DGKA: variants seen among roughly 807,000 people sequenced by gnomAD.
The protein encoded by DGKA is diacylglycerol kinase alpha, also known as 80 kDa diacylglycerol kinase.
Under a neutral mutation model 105.0 loss-of-function variants are expected in DGKA, and 35 were observed. The observed-to-expected ratio is 0.33, with a 90% CI of 0.25 to 0.44. DGKA has a LOEUF of 0.44. Ranked by LOEUF, DGKA falls within the 20% of genes least tolerant of loss-of-function variation. The pLI is 1.00. For synonymous variants in DGKA, 296 were observed against 332.0 expected (o/e 0.89, Z 1.18); for missense variants, 665 against 915.0 (o/e 0.73, Z 3.53).
Position 55,937,006 on chromosome 12 carries a change from C to T in DGKA, c.65-11C>T, listed in dbSNP as rs763733604. On this transcript the variant is annotated splice_polypyrimidine_tract_variant and intron_variant, in intron 2 of 23. Transcript: ENST00000331886. The stretch of plus-strand genomic sequence containing the variant: ...TAATAATGCTGTTCTCTTACTCTCT[C>T]TACACCCTAGACTCCACCAAAAAGG... 1 of 1,613,502 alleles carries T rather than the reference C, an allele frequency of 6.2e-7. No individual in the cohort carries two copies. The highest frequency in any genetic ancestry group is 8.5e-7 in the Non-Finnish European group (1 of 1,179,418).
At chr12:55,947,392 G>C (rs1444854992) in intron 17 of DGKA, among the ~76,000 whole-genome samples, 1 of 152,096 alleles carries the variant, frequency 6.6e-6, no homozygotes, top group East Asian at 1.9e-4. Flanking sequence ...GAAAGTGAAA[G>C]CTCCCTATAA....
rs949029725 is a variant in DGKA at position 55,932,125 on chromosome 12, T to C, written c.-82+781T>C. 3 of 195,808 alleles carry C rather than the reference T, an allele frequency of 1.5e-5. No individual in the cohort carries two copies. The highest frequency in any genetic ancestry group is 3.3e-5 in the Non-Finnish European group (3 of 92,252). The allele number at this position is 195,808 out of a possible 1,614,324, so 12.1% of individuals were successfully genotyped here. A position where few individuals can be genotyped will look rare whatever the true frequency, so the allele number is the denominator to read the frequency against. Reference sequence around the variant, plus strand: ...CGACCGCGAGCCCTCTCAAGCAAGGTAGAGACCCCGCGAGCCCCCCAGCGC... The same window carrying C: ...CGACCGCGAGCCCTCTCAAGCAAGGCAGAGACCCCGCGAGCCCCCCAGCGC... On this transcript the variant is annotated intron_variant, in intron 1 of 23. Coordinates refer to ENST00000331886, the MANE Select transcript of DGKA (RefSeq NM_001345.5). This position sits in a 1 kb window ranked among gnomAD's most constrained non-coding sequence, Gnocchi z 4.3.
chr12:55,952,578 T>C lies in DGKA; in HGVS notation c.1743+147T>C. 1 of 1,179,048 alleles carries C rather than the reference T, an allele frequency of 8.5e-7. No individual in the cohort carries two copies. Among genetic ancestry groups the C allele is most frequent in the Non-Finnish European group, 1.2e-6 (1 of 804,724 alleles). The allele number at this position is 1,179,048 out of a possible 1,614,324, so 73.0% of individuals were successfully genotyped here. ...TCTCCTACCCCAATTCTCCAAGTCC[T>C]CAAGATACACTAGTCCCTATTTCCA... On this transcript the variant is annotated intron_variant, in intron 20 of 23. Transcript: ENST00000331886. This position sits in a 1 kb window ranked among gnomAD's most constrained non-coding sequence, Gnocchi z 5.1.
chr12:55,941,211 A>G, intron 13 of DGKA, 41 bp from the exon 14 acceptor site: 1 of 1,588,608 alleles, frequency 6.3e-7, no homozygotes, highest in Non-Finnish European at 8.6e-7. Flanking sequence ...ACTCTGACAA[A>G]ATCCTGCTTT....
At position 55,941,293 on chromosome 12, in the gene DGKA, C is replaced by A; in HGVS notation, c.1143C>A (p.Val381=). 6.2e-7 allele frequency: 1 copy of A among 1,613,752 alleles called. No individual in the cohort carries two copies. Among genetic ancestry groups the A allele is most frequent in the Non-Finnish European group, 8.5e-7 (1 of 1,179,710 alleles). ...ACACCCACCCACTTCTCGTCTTTGT[C>A]AATCCTAAGAGTGGCGGGAAGCAGG... The part of the protein sequence containing the change: ...VPNTHPLLVF[V]NPKSGGKQGQ... Residue 381 remains valine, a synonymous_variant, in exon 14 of 24, where the codon GTC becomes GTA. Transcript: ENST00000331886.
chr12:55,928,044 T>C (rs1185835656), upstream of DGKA: 1 of 493,682 alleles, frequency 2.0e-6, no homozygotes, highest in African/African-American at 2.0e-5. Context: ...ACTCCATTTG[T>C]AGTCCTGCCC....
chr12:55,936,641 C>T, intron 2 of DGKA, 74 bp downstream of exon 2: 1 of 1,597,916 alleles, frequency 6.3e-7, no homozygotes, highest in Non-Finnish European at 8.6e-7. Flanking sequence ...CATTACACCC[C>T]CTGCCCCCCA....
chr12:55,946,413 G>T (rs528222976), intron 17 of DGKA, among the ~76,000 whole-genome samples: 1 of 152,116 alleles, frequency 6.6e-6, no homozygotes, highest in African/African-American at 2.4e-5. Context: ...CTGGAGTGCA[G>T]TGGCGCGATC....
upstream of DGKA, among the ~76,000 whole-genome samples, chr12:55,928,747 C>T (rs954608441): frequency 7.8e-6 from 1 of 127,500 alleles, no homozygotes; most frequent in African/African-American, 3.0e-5. Context: ...CTTTATAAGA[C>T]AAATTAGGCC....
chr12:55,952,391 T>C lies in DGKA; in HGVS notation c.1703T>C (p.Phe568Ser), dbSNP rs1592752084. Residue 568 changes from phenylalanine to serine, a missense_variant, in exon 20 of 24, where the codon TTC becomes TCC. Coordinates refer to ENST00000331886, the MANE Select transcript of DGKA (RefSeq NM_001345.5). The surrounding 1 kb of genome is among the most constrained non-coding windows in gnomAD (Gnocchi z 5.1). ...YFEFATSESI[F>S]STCKKLEESL... ...GAATTTGCCACATCTGAATCCATCT[T>C]CTCAACATGCAAAAAGCTGGAGGAG... 1.9e-6 allele frequency: 3 copies of C among 1,614,146 alleles called. No homozygotes were observed. The highest frequency in any genetic ancestry group is 1.6e-4 in the Middle Eastern group (1 of 6,062).
intron 1 of DGKA, 79 bp from the exon 2 acceptor site, chr12:55,936,344 A>C: frequency 7.1e-7 from 1 of 1,405,360 alleles, no homozygotes; most frequent in Non-Finnish European, 9.3e-7. Flanking sequence ...GTGGGAGTAG[A>C]GACAGAATGG....
intron 17 of DGKA, among the ~76,000 whole-genome samples, chr12:55,945,068 G>A (rs1307812587): frequency 6.6e-6 from 1 of 152,130 alleles, no homozygotes; most frequent in East Asian, 1.9e-4. Flanking sequence ...CCAAAGTGCT[G>A]GGATTATATG....
At chr12:55,936,373 C>T in intron 1 of DGKA, 50 bp from the exon 2 acceptor site, 1 of 1,454,464 alleles carries the variant, frequency 6.9e-7, no homozygotes, top group African/African-American at 1.4e-5. Flanking sequence ...GAAGAAAAGA[C>T]ACCCAGACAG....
chr12:55,928,852 G>A (rs1055349282), upstream of DGKA, among the ~76,000 whole-genome samples: 7 of 151,456 alleles, frequency 4.6e-5, no homozygotes. Context: ...TGGGGGTGGG[G>A]CTCATTTAAA....
In DGKA at chr12:55,940,337, A is replaced by C; in HGVS notation, c.822A>C (p.Arg274=). 3 of 1,614,220 alleles carry C rather than the reference A, an allele frequency of 1.9e-6. No individual in the cohort carries two copies. Among genetic ancestry groups the C allele is most frequent in the Non-Finnish European group, 2.5e-6 (3 of 1,180,038 alleles). The change falls in exon 11 of 24, where the codon CGA becomes CGC. Residue 274 remains arginine (R), a synonymous_variant. Coordinates refer to ENST00000331886, the MANE Select transcript of DGKA (RefSeq NM_001345.5). This position sits in a 1 kb window ranked among gnomAD's most constrained non-coding sequence, Gnocchi z 4.3. The part of the protein sequence containing the change: ...DIGVQSHVWV[R]GGCESGRCDR... ...AGGTCCAATCACATGTGTGGGTGCG[A>C]GGAGGCTGTGAGTCCGGGCGCTGCG... is the stretch of plus-strand genomic sequence containing the variant.
chr12:55,940,804 G>A lies in DGKA; in HGVS notation c.1017+82G>A, dbSNP rs755597516. 6.9e-6 allele frequency: 11 copies of A among 1,597,602 alleles called. No individual in the cohort carries two copies. In the East Asian group the frequency reaches 2.0e-4, roughly 29 times the overall value. ...CGCACAGAGTGGCATTTAGAATAGA[G>A]AGCTCATACTTTTAGGATTCAAGTC... On this transcript the variant is annotated intron_variant, in intron 12 of 23. Transcript: ENST00000331886. The surrounding 1 kb of genome is among the most constrained non-coding windows in gnomAD (Gnocchi z 4.3).
rs772890925 is a variant in DGKA, at chr12:55,952,044, A to G, written c.1597A>G (p.Ile533Val). 7 of 1,613,952 alleles carry G rather than the reference A, an allele frequency of 4.3e-6. No homozygotes were observed. The highest frequency in any genetic ancestry group is 5.1e-6 in the Non-Finnish European group (6 of 1,180,022). The change falls in exon 19 of 24, where the codon ATT becomes GTT. Residue 533 changes from isoleucine to valine, a missense_variant. Around this residue, in one of 3 missense-constraint regions of DGKA, gnomAD observed 504 missense variants for 681.2 expected, o/e 0.74. Transcript: ENST00000331886. The surrounding 1 kb of genome is among the most constrained non-coding windows in gnomAD (Gnocchi z 5.1). ...NYFSIGVDAS[I>V]AHRFHIMREK... ...GTCCCGAACTCTCCAGGATGCCTCT[A>G]TTGCTCATCGATTCCACATCATGCG...
intron 1 of DGKA, chr12:55,935,842 C>G (rs1884539452): frequency 1.0e-6 from 1 of 978,076 alleles, no homozygotes; most frequent in Non-Finnish European, 1.2e-6. Context: ...GCGTCAGAAG[C>G]GCTAGAGGTC....
chr12:55,943,357 C>T (rs1024267391), intron 17 of DGKA: 19 of 151,978 alleles, frequency 1.3e-4, no homozygotes, highest in African/African-American at 4.6e-4. Flanking sequence ...CTCACTGCAA[C>T]CTCTGCCTCC....
Sources: allele counts gnomAD v4.1 joint callset (sites outside exome capture counted in the v4.1 genomes callset), GRCh38; gene constraint gnomAD v4.1.1; regional missense constraint gnomAD v4.1.1; non-coding constraint Gnocchi (gnomAD v3.1); transcripts MANE v1.5; gene names NCBI Gene and HGNC (gene_info 2026-07-23, HGNC 2026-07-21).